The following CCDC102B variants were observed in gnomAD, a reference collection of about 807,000 sequenced individuals.
The protein encoded by CCDC102B is coiled-coil domain containing 102B.
In CCDC102B, 75 loss-of-function variants were observed where a neutral mutation model predicts 57.4. The observed-to-expected ratio is 1.31, with a 90% CI of 1.08 to 1.58. CCDC102B has a LOEUF of 1.58. Ranked by LOEUF, CCDC102B falls within the 40% of genes most tolerant of loss-of-function variation. The probability of loss-of-function intolerance (pLI) is 0.00; values close to 1 mark genes in which losing one functional copy is unlikely to be tolerated. For synonymous variants in CCDC102B, 206 were observed against 201.9 expected, an observed-to-expected ratio of 1.02 and a Z score of -0.17; for missense variants, 636 against 582.6, an observed-to-expected ratio of 1.09 and a Z score of -0.94.
chr18:68,770,059 G>A (rs2034590037), intron 2 of CCDC102B, among the ~76,000 whole-genome samples: 1 of 152,136 alleles, frequency 6.6e-6, no homozygotes, highest in African/African-American at 2.4e-5. Flanking sequence ...TGGAAGCAGA[G>A]ACCATATGAA....
chr18:68,774,959 A>G (rs2034761118), intron 2 of CCDC102B, among the ~76,000 whole-genome samples: 1 of 151,188 alleles, frequency 6.6e-6, no homozygotes, highest in Non-Finnish European at 1.5e-5. Context: ...TACATAAAAG[A>G]GTTAAAATAT....
At chr18:68,895,359 T>A (rs2040206262) in intron 5 of CCDC102B, among the ~76,000 whole-genome samples, 2 of 151,596 alleles carry the variant, frequency 1.3e-5, no homozygotes, top group South Asian at 4.1e-4. Flanking sequence ...ATGGTACAAT[T>A]ATATATATAT....
chr18:68,963,675 C>G (rs1188711768), intron 6 of CCDC102B, among the ~76,000 whole-genome samples: 2 of 151,740 alleles, frequency 1.3e-5, no homozygotes, highest in African/African-American at 2.4e-5. Flanking sequence ...CAACAACTAG[C>G]AGATGTTGCA....
chr18:68,909,951 G>A (rs1189632177), intron 6 of CCDC102B, among the ~76,000 whole-genome samples: 2 of 152,140 alleles, frequency 1.3e-5, no homozygotes, highest in Admixed American at 1.3e-4. Flanking sequence ...AAATCCTGTG[G>A]TGGGGGAATG....
chr18:68,803,767 A>C (rs1172680724), intron 1 of CCDC102B, among the ~76,000 whole-genome samples: 1 of 152,144 alleles, frequency 6.6e-6, no homozygotes, highest in Non-Finnish European at 1.5e-5. Context: ...CCAACCTAAT[A>C]TTATTTTACT....
chr18:68,875,995 A>G (rs2039430548), intron 5 of CCDC102B, among the ~76,000 whole-genome samples: 1 of 152,132 alleles, frequency 6.6e-6, no homozygotes, highest in Admixed American at 6.6e-5. Context: ...GTTGAATACA[A>G]ATCTTCCTAA....
Position 68,840,745 on chromosome 18 carries a change from A to C in CCDC102B, c.827+1819A>C, listed in dbSNP as rs554674832. Reference sequence around the variant, plus strand: ...TTCCCCAGTGCAGTCTAATAGGAGCAATGCAGAGCTGTGTTTTTCTAGATG... The same window carrying C: ...TTCCCCAGTGCAGTCTAATAGGAGCCATGCAGAGCTGTGTTTTTCTAGATG... On this transcript the variant is annotated intron_variant, in intron 3 of 7. Coordinates refer to ENST00000360242, the MANE Select transcript of CCDC102B (RefSeq NM_024781.3). Among the ~76,000 whole-genome samples, 13 of 152,310 alleles carry C rather than the reference A, an allele frequency of 8.5e-5. No homozygotes were observed. In the East Asian group the frequency reaches 2.3e-3, roughly 27 times the overall value.
intron 6 of CCDC102B, among the ~76,000 whole-genome samples, chr18:68,905,826 C>T (rs190619711): frequency 9.1e-6 from 1 of 109,804 alleles, no homozygotes; most frequent in Non-Finnish European, 1.7e-5. Context: ...CAGAGTCTAG[C>T]TCTGTCACCC....
At position 68,837,306 on chromosome 18, in the gene CCDC102B, T is replaced by C; in HGVS notation, c.543T>C (p.His181=). Reference sequence around the variant, plus strand: ...AATTTCAATTGAGTTCACAAATGCATGAGTCTATCAGAGAGTATTTGGTAA... The same window carrying C: ...AATTTCAATTGAGTTCACAAATGCACGAGTCTATCAGAGAGTATTTGGTAA... ...TDQFQLSSQM[H]ESIREYLVKR... Residue 181 remains histidine, a synonymous_variant, in exon 2 of 8, where the codon CAT becomes CAC. Transcript: ENST00000360242. 6.2e-7 allele frequency: 1 copy of C among 1,613,666 alleles called. No homozygotes were observed. Among genetic ancestry groups the C allele is most frequent in the Non-Finnish European group, 8.5e-7 (1 of 1,179,664 alleles).
chr18:68,784,617 T>C (rs2035126241), intron 2 of CCDC102B, among the ~76,000 whole-genome samples: 1 of 152,230 alleles, frequency 6.6e-6, no homozygotes, highest in Non-Finnish European at 1.5e-5. Context: ...GAATATGTTT[T>C]ACCACTCAAT....
At chr18:68,915,460 T>A (rs2041037603) in intron 6 of CCDC102B, among the ~76,000 whole-genome samples, 1 of 152,384 alleles carries the variant, frequency 6.6e-6, no homozygotes, top group South Asian at 2.1e-4. Flanking sequence ...GTAGTTGAGA[T>A]GCTTTTTACC....
chr18:68,912,019 A>C (rs2145077199), intron 6 of CCDC102B, among the ~76,000 whole-genome samples: 1 of 152,196 alleles, frequency 6.6e-6, no homozygotes, highest in Middle Eastern at 3.4e-3. Flanking sequence ...TATTTTGTAA[A>C]TTTTTACAAG....
At chr18:68,873,495 T>C (rs2144926715) in intron 4 of CCDC102B, among the ~76,000 whole-genome samples, 1 of 152,242 alleles carries the variant, frequency 6.6e-6, no homozygotes, top group South Asian at 2.1e-4. Flanking sequence ...GGCAAGAACT[T>C]TCTTAAAATT....
rs1298159543 is a variant in CCDC102B at position 68,856,159 on chromosome 18, T to G, written c.936+9738T>G. ...ATATACCCAAACATGAATATTTTTC[T>G]TTAGTTTTATATTGCAGTAATTATC... On this transcript the variant is annotated intron_variant, in intron 4 of 7. Transcript: ENST00000360242. Among the ~76,000 whole-genome samples, 3 of 152,348 alleles carry G rather than the reference T, an allele frequency of 2.0e-5. No individual in the cohort carries two copies. The East Asian group carries it at 5.8e-4, about 29-fold the overall frequency.
intron 3 of CCDC102B, among the ~76,000 whole-genome samples, chr18:68,842,588 A>G (rs113219930): frequency 0.016 from 2,503 of 152,260 alleles, 58 homozygotes; most frequent in African/African-American, 0.05. Context: ...CCGCAAGGCA[A>G]TAGACAGCAT....
chr18:68,837,136 A>T lies in CCDC102B; in HGVS notation c.373A>T (p.Ile125Leu), dbSNP rs866691318. Residue 125 changes from isoleucine to leucine, a missense_variant, in exon 2 of 8, where the codon ATA becomes TTA. Physicochemically the swap from Ile to Leu is conservative, Grantham distance 5 (BLOSUM62 2). Transcript: ENST00000360242. ...SAREEGRQLR[I>L]KLEMAMKELS... is the part of the protein sequence containing the mutation. ...CAGGGAGGAAGGAAGACAACTCAGA[A>T]TAAAACTAGAGATGGCGATGAAAGA... is the stretch of plus-strand genomic sequence containing the variant. 1 of 1,614,110 alleles carries T rather than the reference A, an allele frequency of 6.2e-7. No individual in the cohort carries two copies. The highest frequency in any genetic ancestry group is 1.6e-4 in the Middle Eastern group (1 of 6,062).
At chr18:68,718,839 T>C (rs2032171580) in intron 2 of CCDC102B, among the ~76,000 whole-genome samples, 1 of 152,180 alleles carries the variant, frequency 6.6e-6, no homozygotes, top group Non-Finnish European at 1.5e-5. Flanking sequence ...TCTCATTTAG[T>C]GGTGTTGAGG....
chr18:68,805,192 A>AT (rs768417134), intron 1 of CCDC102B, among the ~76,000 whole-genome samples: 1 of 152,248 alleles, frequency 6.6e-6, no homozygotes, highest in African/African-American at 2.4e-5. Flanking sequence ...ATCTCAACAG[A>AT]TAAGGCAGAG....
At chr18:68,833,185 A>G (rs1235760030) in intron 1 of CCDC102B, among the ~76,000 whole-genome samples, 1 of 152,136 alleles carries the variant, frequency 6.6e-6, no homozygotes, top group African/African-American at 2.4e-5. Context: ...CAGTTTCCAA[A>G]CTGGGTTGAC....
Sources: allele counts gnomAD v4.1 joint callset (sites outside exome capture counted in the v4.1 genomes callset), GRCh38; gene constraint gnomAD v4.1.1; transcripts MANE v1.5; gene names NCBI Gene and HGNC (gene_info 2026-07-23, HGNC 2026-07-21).